The following ZNF366 variants were observed in gnomAD, a reference collection of about 807,000 sequenced individuals.
ZNF366 encodes the protein zinc finger protein 366, also known as dendritic cell-specific transcript protein.
ZNF366 carries 20 observed loss-of-function variants against 47.2 expected under a neutral mutation model. The ratio of observed to expected loss-of-function variants is 0.42; its 90% CI spans 0.30 to 0.62. ZNF366 has a LOEUF of 0.62. ZNF366 is among the 20% of genes least tolerant of loss of function. The pLI, the probability that ZNF366 is intolerant of heterozygous loss-of-function variation, is 0.16. For missense variants in ZNF366, 987 were observed against 976.3 expected, an observed-to-expected ratio of 1.01 and a Z score of -0.15; for synonymous variants, 421 against 395.1, an observed-to-expected ratio of 1.07 and a Z score of -0.78.
chr5:72,453,110 G>T (rs1213031385), intron 3 of ZNF366, among the ~76,000 whole-genome samples: 1 of 152,190 alleles, frequency 6.6e-6, no homozygotes, highest in Non-Finnish European at 1.5e-5. Flanking sequence ...CACAGTGAGT[G>T]AACATTTCTG....
At chr5:72,475,188 C>A (rs1295749268) in intron 1 of ZNF366, among the ~76,000 whole-genome samples, 1 of 152,192 alleles carries the variant, frequency 6.6e-6, no homozygotes, top group Non-Finnish European at 1.5e-5. Context: ...AATCCTGAAG[C>A]CCGCAGCCTG....
At chr5:72,492,329 C>T (rs1416869021) in intron 1 of ZNF366, among the ~76,000 whole-genome samples, 2 of 152,234 alleles carry the variant, frequency 1.3e-5, no homozygotes, top group Non-Finnish European at 2.9e-5. Context: ...GCCTCCCCAA[C>T]ATGGAGTGCC....
At chr5:72,460,106 C>T (rs753878377) in intron 2 of ZNF366, 59 bp downstream of exon 2, 68 of 1,571,614 alleles carry the variant, frequency 4.3e-5, no homozygotes, top group Admixed American at 7.0e-5. Flanking sequence ...CAGTGCTCTG[C>T]TCAGGGCCCC....
At chr5:72,492,639 T>TTG (rs2112352441) in intron 1 of ZNF366, among the ~76,000 whole-genome samples, 1 of 152,334 alleles carries the variant, frequency 6.6e-6, no homozygotes, top group Non-Finnish European at 1.5e-5. Flanking sequence ...GGCTAGAAGG[T>TTG]TGTTTATGTA....
At chr5:72,506,186 A>G (rs528593525) in intron 1 of ZNF366, among the ~76,000 whole-genome samples, 2 of 152,340 alleles carry the variant, frequency 1.3e-5, no homozygotes, top group Non-Finnish European at 2.9e-5. Context: ...AGCAGTGAAT[A>G]TTTTTAAAAA....
intron 1 of ZNF366, chr5:72,472,516 T>C (rs918095452): frequency 1.0e-6 from 1 of 984,724 alleles, no homozygotes; most frequent in African/African-American, 1.7e-5. Context: ...GAGGAAGAAT[T>C]TGGGGACTTG....
intron 1 of ZNF366, among the ~76,000 whole-genome samples, chr5:72,465,328 C>T (rs1743407223): frequency 6.6e-6 from 1 of 151,964 alleles, no homozygotes; most frequent in African/African-American, 2.4e-5. Flanking sequence ...GGTGGTGAAA[C>T]AACAACAACA....
intron 2 of ZNF366, among the ~76,000 whole-genome samples, chr5:72,459,186 G>A (rs570670296): frequency 1.3e-5 from 2 of 152,326 alleles, no homozygotes; most frequent in South Asian, 2.1e-4. Flanking sequence ...GAAGTGAAAC[G>A]TATTATAGCA....
chr5:72,482,505 CA>C (rs1228328444), intron 1 of ZNF366, among the ~76,000 whole-genome samples: 2 of 152,156 alleles, frequency 1.3e-5, no homozygotes, highest in Non-Finnish European at 2.9e-5. Context: ...TTTCAACAGA[CA>C]GGGGACACCT....
intron 1 of ZNF366, among the ~76,000 whole-genome samples, chr5:72,501,486 C>A (rs1022692111): frequency 6.6e-6 from 1 of 152,162 alleles, no homozygotes; most frequent in African/African-American, 2.4e-5. Flanking sequence ...TTTAAATTTG[C>A]CAAATAAGTA....
intron 1 of ZNF366, among the ~76,000 whole-genome samples, chr5:72,495,241 A>G (rs1043410793): frequency 6.6e-6 from 1 of 152,162 alleles, no homozygotes; most frequent in Admixed American, 6.5e-5. Flanking sequence ...TGGTCCCATG[A>G]GTAGGGGAGT....
At chr5:72,464,045 T>C (rs1011811629) in intron 1 of ZNF366, among the ~76,000 whole-genome samples, 2 of 152,206 alleles carry the variant, frequency 1.3e-5, no homozygotes, top group South Asian at 2.1e-4. Flanking sequence ...CAAGTACCTA[T>C]GGCAAACCAT....
At chr5:72,498,171 C>T (rs1744148494) in intron 1 of ZNF366, among the ~76,000 whole-genome samples, 1 of 152,042 alleles carries the variant, frequency 6.6e-6, no homozygotes, top group Non-Finnish European at 1.5e-5. Flanking sequence ...TTCTTTAAGA[C>T]TTTTTAAAGC....
chr5:72,460,722 C>T lies in ZNF366; in HGVS notation c.775G>A (p.Glu259Lys), dbSNP rs372293606. 110 of 1,614,080 alleles carry T rather than the reference C, an allele frequency of 6.8e-5. No homozygotes were observed. Among genetic ancestry groups the T allele is most frequent in the Non-Finnish European group, 8.1e-5 (95 of 1,180,044 alleles). The change falls in exon 2 of 5, where the codon GAG becomes AAG. Residue 259 changes from glutamate (E) to lysine (K), a missense_variant. Transcript: ENST00000318442. ...TTGTACTTGGAGGTGTAGGACTTCTCGCAGGTGGGGCACTGCCAGCGCTTC... is the reference window on the plus strand; with the variant it reads ...TTGTACTTGGAGGTGTAGGACTTCTTGCAGGTGGGGCACTGCCAGCGCTTC... ...SQKRWQCPTC[E>K]KSYTSKYNLV... is the part of the protein sequence containing the mutation.
chr5:72,445,570 G>C (rs1006265176), intron 4 of ZNF366, among the ~76,000 whole-genome samples: 1 of 152,194 alleles, frequency 6.6e-6, no homozygotes, highest in Admixed American at 6.5e-5. Flanking sequence ...TTGAAAGTCT[G>C]TTAAAATTTT....
Position 72,441,803 on chromosome 5 carries a change from C to G in ZNF366, c.*1953G>C, listed in dbSNP as rs932367258. Reference sequence around the variant, plus strand: ...GCACAATAATAACCAGTACCTAGCTCTACAAATACGAGTCAAAACTACCAA... The same window carrying G: ...GCACAATAATAACCAGTACCTAGCTGTACAAATACGAGTCAAAACTACCAA... On this transcript the variant is annotated 3_prime_UTR_variant, in exon 5 of 5. Coordinates refer to ENST00000318442, the MANE Select transcript of ZNF366 (RefSeq NM_152625.3). 1 of 152,188 alleles carries G rather than the reference C, an allele frequency of 6.6e-6. No individual in the cohort carries two copies. Among genetic ancestry groups the G allele is most frequent in the African/African-American group, 2.4e-5 (1 of 41,438 alleles). 9.4% of individuals were successfully genotyped at this position (152,188 alleles called of 1,614,324 possible).
At chr5:72,457,097 A>T (rs1167385511) in intron 2 of ZNF366, among the ~76,000 whole-genome samples, 3 of 152,194 alleles carry the variant, frequency 2.0e-5, no homozygotes, top group Admixed American at 6.5e-5. Context: ...ATTACAACTT[A>T]AATTACAACT....
rs144030350 is a variant in ZNF366, at chr5:72,458,961, A to C, written c.1332+1204T>G. ...TTGATTCCTTTCCCACATATAAAGGAGCCCCTGAAGTTAGCGAATGGTCCC... is the reference window on the plus strand; with the variant it reads ...TTGATTCCTTTCCCACATATAAAGGCGCCCCTGAAGTTAGCGAATGGTCCC... On this transcript the variant is annotated intron_variant, in intron 2 of 4. Coordinates refer to ENST00000318442, the MANE Select transcript of ZNF366 (RefSeq NM_152625.3). Among the ~76,000 whole-genome samples the C allele has an allele frequency of 1.1e-3, 175 of 152,296 alleles. 1 individual carries two copies. The highest frequency in any genetic ancestry group is 6.8e-3 in the Middle Eastern group (2 of 294).
At chr5:72,465,077 G>C (rs1743403340) in intron 1 of ZNF366, among the ~76,000 whole-genome samples, 1 of 151,960 alleles carries the variant, frequency 6.6e-6, no homozygotes, top group African/African-American at 2.4e-5. Context: ...AAAAGAAAAA[G>C]AAAAAAGTAG....
Sources: allele counts gnomAD v4.1 joint callset (sites outside exome capture counted in the v4.1 genomes callset), GRCh38; gene constraint gnomAD v4.1.1; transcripts MANE v1.5; gene names NCBI Gene and HGNC (gene_info 2026-07-23, HGNC 2026-07-21).